The following ADGRB1 variants were observed in gnomAD, a reference collection of about 807,000 sequenced individuals.
ADGRB1 encodes the protein adhesion G protein-coupled receptor B1.
ADGRB1 carries 36 observed loss-of-function variants against 175.7 expected under a neutral mutation model. The observed-to-expected ratio is 0.20, with a 90% CI of 0.16 to 0.27. The LOEUF (loss-of-function observed/expected upper bound fraction) is 0.27, where lower values mean the gene tolerates loss of function less well. Among genes scored for constraint, ADGRB1 ranks in the 10% least tolerant of loss-of-function variants. The pLI is 1.00. For synonymous variants in ADGRB1, 1,054 were observed against 979.4 expected, an observed-to-expected ratio of 1.08 and a Z score of -1.42; for missense variants, 1,731 against 2,255.3, an observed-to-expected ratio of 0.77 and a Z score of 4.71.
At chr8:142,518,097 G>C in intron 18 of ADGRB1, 41 bp from the exon 19 acceptor site, 5 of 1,592,806 alleles carry the variant, frequency 3.1e-6, no homozygotes, top group Middle Eastern at 1.7e-4. Flanking sequence ...GTGGGCGAGT[G>C]GGGTGCCTCA....
At position 142,511,235 on chromosome 8, in the gene ADGRB1, C is replaced by A. The variant is rs1191598070; in HGVS notation, c.2817+162C>A. Among the ~76,000 whole-genome samples the A allele has an allele frequency of 1.3e-5, 2 of 151,870 alleles. No individual in the cohort carries two copies. The highest frequency in any genetic ancestry group is 4.8e-5 in the African/African-American group (2 of 41,406). ...TGGCCCGGCCGGCGGGGTCCATGCG[C>A]CTCTGGAGAGGGTGGGTGGGCGCCG... On this transcript the variant is annotated intron_variant, in intron 18 of 30. Transcript: ENST00000517894. The surrounding 1 kb of genome is among the most constrained non-coding windows in gnomAD (Gnocchi z 4.5).
intron 19 of ADGRB1, 119 bp downstream of exon 19, chr8:142,518,360 C>T: frequency 2.9e-6 from 3 of 1,038,374 alleles, no homozygotes; most frequent in Non-Finnish European, 2.9e-6. Context: ...CTCACGTTCC[C>T]AGTCACCTCC....
chr8:142,486,240 G>A (rs978607712), intron 13 of ADGRB1, among the ~76,000 whole-genome samples: 3 of 152,036 alleles, frequency 2.0e-5, no homozygotes, highest in South Asian at 2.1e-4. Context: ...AGAACTGGAC[G>A]CCAGCAAGAG....
intron 1 of ADGRB1, among the ~76,000 whole-genome samples, chr8:142,457,110 G>A (rs1587240054): frequency 6.6e-6 from 1 of 152,210 alleles, no homozygotes; most frequent in Non-Finnish European, 1.5e-5. Flanking sequence ...ATGCAGTGAG[G>A]CCCGGAACCT....
At chr8:142,456,703 G>A (rs1396259958) in intron 1 of ADGRB1, among the ~76,000 whole-genome samples, 2 of 152,238 alleles carry the variant, frequency 1.3e-5, no homozygotes, top group Non-Finnish European at 2.9e-5. Flanking sequence ...CAAATGCTGG[G>A]CCCTGGCTGC....
At chr8:142,471,423 G>A (rs1840655615) in intron 2 of ADGRB1, among the ~76,000 whole-genome samples, 1 of 152,222 alleles carries the variant, frequency 6.6e-6, no homozygotes, top group Non-Finnish European at 1.5e-5. Context: ...CCCGGGCGGT[G>A]GGCAGAGACT....
rs995351428 is a variant in ADGRB1 at position 142,537,800 on chromosome 8, C to G, written c.3666+718C>G. ...GCGGTTCCTACGTAAGGGCCCCCAACAGCCCCCTGTGGAGCCTCAACTCTT... is the reference window on the plus strand; with the variant it reads ...GCGGTTCCTACGTAAGGGCCCCCAAGAGCCCCCTGTGGAGCCTCAACTCTT... On this transcript the variant is annotated intron_variant, in intron 26 of 30. Transcript: ENST00000517894. This position sits in a 1 kb window ranked among gnomAD's most constrained non-coding sequence, Gnocchi z 4.6. Among the ~76,000 whole-genome samples, 2 of 152,184 alleles carry G rather than the reference C, an allele frequency of 1.3e-5. No individual in the cohort carries two copies. Among genetic ancestry groups the G allele is most frequent in the African/African-American group, 2.4e-5 (1 of 41,450 alleles).
At chr8:142,452,520 G>C (rs1049222811) in intron 1 of ADGRB1, among the ~76,000 whole-genome samples, 1 of 151,812 alleles carries the variant, frequency 6.6e-6, no homozygotes, top group African/African-American at 2.4e-5. Context: ...TCGGACCTCG[G>C]TGGCCGCGTC....
intron 25 of ADGRB1, among the ~76,000 whole-genome samples, chr8:142,535,180 T>A (rs972020353): frequency 6.6e-6 from 1 of 151,674 alleles, no homozygotes; most frequent in African/African-American, 2.4e-5. Context: ...ATTAGGCAAA[T>A]CCCCAAGGAC....
Position 142,533,285 on chromosome 8 carries a change from C to T in ADGRB1, c.3399-10C>T, listed in dbSNP as rs370734473. The T allele has an allele frequency of 6.6e-7, 1 of 1,510,140 alleles. No homozygotes were observed. Among genetic ancestry groups the T allele is most frequent in the Non-Finnish European group, 8.9e-7 (1 of 1,127,112 alleles). The allele number at this position is 1,510,140 out of a possible 1,614,324, so 93.5% of individuals were successfully genotyped here. Reference sequence around the variant, plus strand: ...GCGGGGGCGGCAGCGCTGACACCCTCCATCCCCAGGGCCTCCCTGTGGAGC... The same window carrying T: ...GCGGGGGCGGCAGCGCTGACACCCTTCATCCCCAGGGCCTCCCTGTGGAGC... On this transcript the variant is annotated splice_polypyrimidine_tract_variant and intron_variant, in intron 24 of 30. Transcript: ENST00000517894.
At position 142,479,486 on chromosome 8, in the gene ADGRB1, C is replaced by G. The variant is rs200224393; in HGVS notation, c.1725C>G (p.Pro575=). 15 of 1,539,736 alleles carry G rather than the reference C, an allele frequency of 9.7e-6. No homozygotes were observed. The African/African-American group carries it at 1.1e-4, about 11-fold the overall frequency. Residue 575 remains proline (P), a splice_region_variant and synonymous_variant, in exon 8 of 31, where the codon CCC becomes CCG. Coordinates refer to ENST00000517894, the MANE Select transcript of ADGRB1 (RefSeq NM_001702.3). ...EYRQCGTQRC[P]EPHEICDEDN... ...GGCAGTGCGGCACCCAGCGGTGTCC[C>G]GGTGAGGCCCCTCCTACCTGGGCTG...
chr8:142,454,687 A>G (rs1428609365), intron 1 of ADGRB1, among the ~76,000 whole-genome samples: 1 of 151,138 alleles, frequency 6.6e-6, no homozygotes, highest in Non-Finnish European at 1.5e-5. Context: ...TCTGTGCTCC[A>G]CTCCTCGGGG....
chr8:142,517,810 G>T (rs1207425473), intron 18 of ADGRB1, among the ~76,000 whole-genome samples: 1 of 152,202 alleles, frequency 6.6e-6, no homozygotes, highest in African/African-American at 2.4e-5. Context: ...CGTCTGCAGT[G>T]TGGGGCTGGC....
intron 9 of ADGRB1, among the ~76,000 whole-genome samples, chr8:142,480,158 G>T (rs1325999134): frequency 6.6e-6 from 1 of 152,214 alleles, no homozygotes; most frequent in Non-Finnish European, 1.5e-5. Flanking sequence ...TTGAATGCCA[G>T]CCTCAAGGAG....
intron 17 of ADGRB1, among the ~76,000 whole-genome samples, chr8:142,495,405 G>T (rs1468771544): frequency 6.6e-6 from 1 of 152,116 alleles, no homozygotes; most frequent in African/African-American, 2.4e-5. Flanking sequence ...TGTCTGGAAG[G>T]ATAGAGATTC....
At chr8:142,531,738 G>A (rs534157345) in intron 24 of ADGRB1, among the ~76,000 whole-genome samples, 1 of 152,306 alleles carries the variant, frequency 6.6e-6, no homozygotes, top group African/African-American at 2.4e-5. Flanking sequence ...GCCTGAGGCT[G>A]GGGCCAGACA....
At chr8:142,454,054 G>A (rs1399706237) in intron 1 of ADGRB1, among the ~76,000 whole-genome samples, 4 of 152,192 alleles carry the variant, frequency 2.6e-5, no homozygotes, top group African/African-American at 9.7e-5. Context: ...GGGAGCTGCT[G>A]TCAGGAGCCA....
At position 142,543,811 on chromosome 8, in the gene ADGRB1, C is replaced by A; in HGVS notation, c.4557+103C>A. On this transcript the variant is annotated intron_variant, in intron 30 of 30. Coordinates refer to ENST00000517894, the MANE Select transcript of ADGRB1 (RefSeq NM_001702.3). The surrounding 1 kb of genome is among the most constrained non-coding windows in gnomAD (Gnocchi z 4.4). ...CACTTCATCCATCCATCCATCCATCCATCCATTCGTTCATTCATTCATTCA... is the reference window on the plus strand; with the variant it reads ...CACTTCATCCATCCATCCATCCATCAATCCATTCGTTCATTCATTCATTCA... 1 of 1,150,510 alleles carries A rather than the reference C, an allele frequency of 8.7e-7. No individual in the cohort carries two copies. The highest frequency in any genetic ancestry group is 1.4e-5 in the South Asian group (1 of 73,102). 71.3% of individuals were successfully genotyped at this position (1,150,510 alleles called of 1,614,324 possible). A position where few individuals can be genotyped will look rare whatever the true frequency, so the allele number is the denominator to read the frequency against.
At chr8:142,524,406 G>C (rs1484210409) in intron 23 of ADGRB1, 102 bp downstream of exon 23, 3 of 1,289,920 alleles carry the variant, frequency 2.3e-6, no homozygotes, top group Middle Eastern at 2.6e-4. Flanking sequence ...TGCACCTGCT[G>C]TCCCTTCAGG....
Sources: gnomAD v4.1 joint callset for allele counts (sites outside exome capture counted in the v4.1 genomes callset) on GRCh38, gnomAD v4.1.1 for gene constraint, Gnocchi (gnomAD v3.1) non-coding constraint, MANE v1.5 for transcripts, NCBI Gene and HGNC (gene_info 2026-07-23, HGNC 2026-07-21) for gene names.